RNF185: variants seen among roughly 807,000 people sequenced by gnomAD.
RNF185 encodes the protein ring finger protein 185.
Under a neutral mutation model 24.9 loss-of-function variants are expected in RNF185, and 13 were observed. The observed-to-expected ratio is 0.52, with a 90% CI of 0.34 to 0.83. RNF185 has a LOEUF of 0.83. Ranked by LOEUF, RNF185 falls within the 40% of genes least tolerant of loss-of-function variation. The pLI is 0.01. For missense variants in RNF185, 184 were observed against 244.7 expected (o/e 0.75, Z 1.65); for synonymous variants, 79 against 90.3 (o/e 0.88, Z 0.71).
At chr22:31,198,927 T>TCTACTAAAAATACAAAATTAG (rs2048235564) in intron 5 of RNF185, among the ~76,000 whole-genome samples, 1 of 150,498 alleles carries the variant, frequency 6.6e-6, no homozygotes, top group Non-Finnish European at 1.5e-5. Context: ...AAACCCTGTC[T>TCTACTAAAAATACAAAATTAG]CTGCTTTCTT....
chr22:31,182,299 AT>A (rs1378070244), intron 1 of RNF185, among the ~76,000 whole-genome samples: 2 of 150,030 alleles, frequency 1.3e-5, no homozygotes, highest in Non-Finnish European at 1.5e-5. Context: ...TTATTTATTT[AT>A]TTTTTTTGAG....
chr22:31,200,687 T>C (rs2048253339), intron 5 of RNF185, among the ~76,000 whole-genome samples: 1 of 152,156 alleles, frequency 6.6e-6, no homozygotes, highest in Admixed American at 6.5e-5. Flanking sequence ...CTGCTGATAG[T>C]GGTTATTTCA....
rs1386768759 is a variant in RNF185 at position 31,187,253 on chromosome 22, G to T, written c.159G>T (p.Leu53=). Residue 53 remains leucine, a synonymous_variant, in exon 2 of 7, where the codon CTG becomes CTT. Transcript: ENST00000326132. ...LDTAKDAVIS[L]CGHLFCWPCL... ...CAGCCAAGGATGCCGTCATCAGCCT[G>T]TGTGGCCACCTCTTCTGGTCAGTAC... 3.1e-6 allele frequency: 5 copies of T among 1,614,004 alleles called. No individual in the cohort carries two copies. In the African/African-American group the frequency reaches 4.0e-5, roughly 13 times the overall value.
chr22:31,182,202 C>T (rs2048045599), intron 1 of RNF185, among the ~76,000 whole-genome samples: 1 of 151,132 alleles, frequency 6.6e-6, no homozygotes, highest in African/African-American at 2.4e-5. Flanking sequence ...GCCTCCACCT[C>T]CCAGGCCCAA....
intron 6 of RNF185, among the ~76,000 whole-genome samples, chr22:31,202,778 AATTTTTTTGT>A (rs1016733845): frequency 9.9e-5 from 15 of 151,738 alleles, no homozygotes; most frequent in African/African-American, 3.4e-4. Context: ...ACGCCTGGCT[AATTTTTTTGT>A]ATTTTTTTGT....
At chr22:31,197,767 G>A (rs1384305179) in intron 5 of RNF185, among the ~76,000 whole-genome samples, 1 of 151,746 alleles carries the variant, frequency 6.6e-6, no homozygotes, top group East Asian at 1.9e-4. Flanking sequence ...TGTTTGGGTA[G>A]AAACAAGGTC....
Position 31,204,689 on chromosome 22 carries a change from G to A in RNF185, c.*103G>A. On this transcript the variant is annotated 3_prime_UTR_variant, in exon 7 of 7. Transcript: ENST00000326132. Reference sequence around the variant, plus strand: ...TGGCTAATCTTGACTCCTGGAATCAGTGGGATCAGTAACACATCAAGGAGT... The same window carrying A: ...TGGCTAATCTTGACTCCTGGAATCAATGGGATCAGTAACACATCAAGGAGT... 1 of 713,952 alleles carries A rather than the reference G, an allele frequency of 1.4e-6. No homozygotes were observed. The highest frequency in any genetic ancestry group is 2.6e-6 in the Non-Finnish European group (1 of 391,944). 44.2% of individuals were successfully genotyped at this position (713,952 alleles called of 1,614,324 possible).
chr22:31,169,219 G>A (rs1436039442), intron 1 of RNF185, among the ~76,000 whole-genome samples: 1 of 152,072 alleles, frequency 6.6e-6, no homozygotes, highest in Non-Finnish European at 1.5e-5. Flanking sequence ...CCCCACTTTT[G>A]AATCAGGTTG....
In RNF185 at chr22:31,201,586, T is replaced by G. The variant is rs901413966; in HGVS notation, c.452T>G (p.Phe151Cys). 1.2e-6 allele frequency: 2 copies of G among 1,612,122 alleles called. No homozygotes were observed. The highest frequency in any genetic ancestry group is 1.7e-6 in the Non-Finnish European group (2 of 1,179,046). Residue 151 changes from phenylalanine to cysteine, a missense_variant, in exon 6 of 7, where the codon TTT becomes TGT. Transcript: ENST00000326132. The stretch of plus-strand genomic sequence containing the variant: ...CCCTTTGGGATATTTGCCACAGCAT[T>G]TAATATAAATGATGGGCGGCCTCCT... ...AFPFGIFATA[F>C]NINDGRPPPA...
At chr22:31,184,208 C>T (rs1188449535) in intron 1 of RNF185, among the ~76,000 whole-genome samples, 1 of 150,554 alleles carries the variant, frequency 6.6e-6, no homozygotes, top group Non-Finnish European at 1.5e-5. Context: ...GACAGGGTGG[C>T]AGGTCAGAGA....
At chr22:31,189,050 C>T (rs530463507) in intron 2 of RNF185, among the ~76,000 whole-genome samples, 428 of 149,510 alleles carry the variant, frequency 2.9e-3, no homozygotes, top group African/African-American at 0.01. Context: ...GGCGTGAACC[C>T]GGGAGGCAGA....
chr22:31,164,864 G>A (rs1160776291), intron 1 of RNF185, among the ~76,000 whole-genome samples: 2 of 151,820 alleles, frequency 1.3e-5, no homozygotes, highest in East Asian at 3.9e-4. Flanking sequence ...GGGATTACAG[G>A]TGTGCCACCA....
chr22:31,173,538 A>T (rs2047953015), intron 1 of RNF185, among the ~76,000 whole-genome samples: 2 of 152,148 alleles, frequency 1.3e-5, no homozygotes, highest in Admixed American at 1.3e-4. Flanking sequence ...ACAAGAACAG[A>T]TCACTGAGTT....
intron 1 of RNF185, among the ~76,000 whole-genome samples, chr22:31,171,924 C>T (rs1028279678): frequency 6.6e-5 from 10 of 151,834 alleles, no homozygotes; most frequent in African/African-American, 2.2e-4. Flanking sequence ...GCCAAGATTG[C>T]GCCATTGCAC....
At chr22:31,189,840 C>T (rs1220558221) in intron 2 of RNF185, among the ~76,000 whole-genome samples, 4 of 152,018 alleles carry the variant, frequency 2.6e-5, no homozygotes, top group African/African-American at 4.8e-5. Flanking sequence ...GTTATCTGCC[C>T]GCCTCGGCCT....
chr22:31,183,881 C>T (rs2048065631), intron 1 of RNF185, among the ~76,000 whole-genome samples: 2 of 152,196 alleles, frequency 1.3e-5, no homozygotes, highest in African/African-American at 2.4e-5. Flanking sequence ...ATGGCCCGTT[C>T]TCAATGAGCT....
At chr22:31,181,539 G>C (rs551192515) in intron 1 of RNF185, among the ~76,000 whole-genome samples, 1 of 151,890 alleles carries the variant, frequency 6.6e-6, no homozygotes, top group East Asian at 1.9e-4. Context: ...AAAAATATGT[G>C]TCTCTACATG....
chr22:31,196,207 C>T (rs1157000870), intron 4 of RNF185, among the ~76,000 whole-genome samples: 1 of 152,170 alleles, frequency 6.6e-6, no homozygotes, highest in Non-Finnish European at 1.5e-5. Flanking sequence ...TCTACCCCCA[C>T]CTGCTCCTCT....
chr22:31,161,590 C>T (rs1923579129), intron 1 of RNF185, among the ~76,000 whole-genome samples: 1 of 152,130 alleles, frequency 6.6e-6, no homozygotes, highest in South Asian at 2.1e-4. Context: ...TAGCTTTTTT[C>T]TAAGAACAAG....
Sources: allele counts gnomAD v4.1 joint callset (sites outside exome capture counted in the v4.1 genomes callset), GRCh38; gene constraint gnomAD v4.1.1; transcripts MANE v1.5; gene names NCBI Gene and HGNC (gene_info 2026-07-23, HGNC 2026-07-21).